ANKRD36: variants seen among roughly 807,000 people sequenced by gnomAD.
The protein encoded by ANKRD36 is ankyrin repeat domain-containing protein 36A.
A neutral mutation model predicts 278.1 loss-of-function variants in ANKRD36; 179 were observed. The ratio of observed to expected loss-of-function variants is 0.64; its 90% CI spans 0.57 to 0.73. The LOEUF is 0.73. ANKRD36 is among the 30% of genes least tolerant of loss of function. The pLI, the probability that ANKRD36 is intolerant of heterozygous loss-of-function variation, is 0.00. For synonymous variants in ANKRD36, 320 were observed against 641.1 expected (o/e 0.50, Z 7.57); for missense variants, 1,159 against 1,956.7 (o/e 0.59, Z 7.69).
intron 58 of ANKRD36, chr2:97,212,614 A>T (rs1391795382): frequency 2.0e-5 from 3 of 153,574 alleles, no homozygotes; most frequent in African/African-American, 7.2e-5. Context: ...ATTAACTCCT[A>T]AAGTGGTCCT....
Position 97,180,397 on chromosome 2 carries a change from G to A in ANKRD36, c.1735+464G>A, listed in dbSNP as rs891625494. ...GCAATTATTTTCCTCAAGGAAGAGGGATTGTGAGGCAGGAAGGAGGAAAAA... is the reference window on the plus strand; with the variant it reads ...GCAATTATTTTCCTCAAGGAAGAGGAATTGTGAGGCAGGAAGGAGGAAAAA... On this transcript the variant is annotated intron_variant, in intron 24 of 75. Transcript: ENST00000420699. Among the ~76,000 whole-genome samples, 8 of 151,592 alleles carry A rather than the reference G, an allele frequency of 5.3e-5. No homozygotes were observed. In the South Asian group the frequency reaches 8.4e-4, roughly 16 times the overall value.
intron 3 of ANKRD36, among the ~76,000 whole-genome samples, chr2:97,120,918 C>G (rs2036625733): frequency 6.6e-6 from 1 of 151,962 alleles, no homozygotes; most frequent in African/African-American, 2.4e-5. Flanking sequence ...TCTGGTGTCC[C>G]TTGAGCCTAT....
chr2:97,156,176 A>G (rs2047378223), intron 15 of ANKRD36, among the ~76,000 whole-genome samples: 1 of 146,558 alleles, frequency 6.8e-6, no homozygotes, highest in South Asian at 2.1e-4. Context: ...TAAAGCCCCA[A>G]CCATGTTCTA....
chr2:97,201,696 CG>C (rs2061419369), intron 46 of ANKRD36, among the ~76,000 whole-genome samples: 1 of 151,926 alleles, frequency 6.6e-6, no homozygotes, highest in African/African-American at 2.4e-5. Context: ...GACACTTCCA[CG>C]GAAGAGATGT....
chr2:97,184,748 T>C (rs924781549), intron 28 of ANKRD36, among the ~76,000 whole-genome samples: 2 of 151,750 alleles, frequency 1.3e-5, no homozygotes, highest in African/African-American at 4.8e-5. Flanking sequence ...ATGTGTATGA[T>C]AAATAATGAA....
intron 26 of ANKRD36, 42 bp downstream of exon 26, chr2:97,181,835 T>C (rs762229206): frequency 4.8e-5 from 69 of 1,438,496 alleles, no homozygotes; most frequent in Non-Finnish European, 6.4e-5. Context: ...TCAGTCAAGA[T>C]AGAAAAGTAC....
chr2:97,178,860 A>G (rs1046848621), intron 22 of ANKRD36, among the ~76,000 whole-genome samples: 2 of 151,662 alleles, frequency 1.3e-5, no homozygotes, highest in Non-Finnish European at 3.0e-5. Context: ...AATTCTCTAG[A>G]GAATAACATG....
intron 42 of ANKRD36, among the ~76,000 whole-genome samples, chr2:97,197,541 G>T (rs1192364282): frequency 2.0e-5 from 3 of 151,850 alleles, no homozygotes; most frequent in African/African-American, 7.2e-5. Context: ...CCTTGTTCAA[G>T]GAGCTACCTC....
intron 66 of ANKRD36, among the ~76,000 whole-genome samples, chr2:97,221,716 C>T (rs1261911711): frequency 6.6e-6 from 1 of 150,656 alleles, no homozygotes; most frequent in African/African-American, 2.5e-5. Flanking sequence ...AATTTTCTCC[C>T]ATGTTGTAGG....
intron 28 of ANKRD36, among the ~76,000 whole-genome samples, chr2:97,184,216 A>G (rs1283455696): frequency 6.6e-6 from 1 of 151,702 alleles, no homozygotes; most frequent in Non-Finnish European, 1.5e-5. Context: ...TGCATTTAGA[A>G]TGTTTGCATA....
At position 97,197,179 on chromosome 2, in the gene ANKRD36, C is replaced by A. The variant is rs551151985; in HGVS notation, c.2653+391C>A. Among the ~76,000 whole-genome samples the A allele has an allele frequency of 9.5e-4, 144 of 151,988 alleles. 1 individual carries two copies. The highest frequency in any genetic ancestry group is 3.4e-3 in the African/African-American group (141 of 41,514). On this transcript the variant is annotated intron_variant, in intron 42 of 75. Coordinates refer to ENST00000420699, the MANE Select transcript of ANKRD36 (RefSeq NM_001354587.1). Reference sequence around the variant, plus strand: ...ACAGACAGAAAACTTGTTGTAATAACCCGTACACACTGTAGGAGAACTAAG... The same window carrying A: ...ACAGACAGAAAACTTGTTGTAATAAACCGTACACACTGTAGGAGAACTAAG...
In ANKRD36 at chr2:97,244,010, G is replaced by A. The variant is rs2075038782; in HGVS notation, c.4472G>A (p.Gly1491Glu). 1 of 1,590,946 alleles carries A rather than the reference G, an allele frequency of 6.3e-7. No homozygotes were observed. The highest frequency in any genetic ancestry group is 8.5e-7 in the Non-Finnish European group (1 of 1,170,574). The change falls in exon 70 of 76, where the codon GGA (glycine) becomes GAA (glutamate). Residue 1491 changes from glycine (G) to glutamate (E), a missense_variant. Gly to Glu is a moderately conservative substitution (Grantham distance 98, BLOSUM62 -2). Transcript: ENST00000420699. Reference protein sequence around the residue: ...LKSAEVELKTGGNNSNQVSET... With the variant: ...LKSAEVELKTEGNNSNQVSET... ...TCAGCAGAGGTGGAATTGAAGACAG[G>A]AGGAAATAATTCAAATCAGGTAAAT...
In ANKRD36 at chr2:97,211,545, G is replaced by T; in HGVS notation, c.3368-1G>T. 1.2e-6 allele frequency: 2 copies of T among 1,606,404 alleles called. No individual in the cohort carries two copies. The highest frequency in any genetic ancestry group is 1.1e-5 in the South Asian group (1 of 90,720). On this transcript the variant is annotated splice_acceptor_variant, in intron 56 of 75. Coordinates refer to ENST00000420699, the MANE Select transcript of ANKRD36 (RefSeq NM_001354587.1). LOFTEE classifies it high-confidence loss of function. ...GATTATGTATCCCTTTTGCTTTTCA[G>T]TGTCTTCTCCGAAACAACCAGCATT...
intron 66 of ANKRD36, among the ~76,000 whole-genome samples, chr2:97,223,031 A>G (rs2068202942): frequency 1.3e-5 from 2 of 152,020 alleles, no homozygotes; most frequent in Non-Finnish European, 2.9e-5. Flanking sequence ...AATGTTATTA[A>G]TAAGTCTGTG....
At position 97,201,460 on chromosome 2, in the gene ANKRD36, G is replaced by A. The variant is rs184442888; in HGVS notation, c.2858-742G>A. 3.9e-5 allele frequency among the ~76,000 whole-genome samples: 6 copies of A among 152,078 alleles called. No individual in the cohort carries two copies. The East Asian group carries it at 1.2e-3, about 30-fold the overall frequency. ...TACAACTTATTAATATCTAATGGTT[G>A]TGGCAGTTTTACTTTGTGGAAATAT... On this transcript the variant is annotated intron_variant, in intron 46 of 75. Coordinates refer to ENST00000420699, the MANE Select transcript of ANKRD36 (RefSeq NM_001354587.1).
chr2:97,123,856 T>C (rs944741735), intron 4 of ANKRD36, among the ~76,000 whole-genome samples: 1 of 146,796 alleles, frequency 6.8e-6, no homozygotes, highest in African/African-American at 2.5e-5. Context: ...TAATATACAA[T>C]GTATATTATA....
chr2:97,227,243 T>A (rs1166321375), intron 67 of ANKRD36, among the ~76,000 whole-genome samples: 10 of 152,140 alleles, frequency 6.6e-5, no homozygotes, highest in Non-Finnish European at 1.5e-4. Context: ...CCATACTGAT[T>A]CTTCCTACCC....
At chr2:97,262,979 C>A (rs1184829297) in intron 75 of ANKRD36, among the ~76,000 whole-genome samples, 1 of 144,178 alleles carries the variant, frequency 6.9e-6, no homozygotes. Context: ...TATAGCAACA[C>A]AAAAATTTGT....
intron 26 of ANKRD36, 25 bp from the exon 27 acceptor site, chr2:97,183,434 A>C (rs1296602688): frequency 6.5e-7 from 1 of 1,545,710 alleles, no homozygotes; most frequent in Non-Finnish European, 8.8e-7. Context: ...CATATGATGG[A>C]TTATATATTT....
Sources: allele counts gnomAD v4.1 joint callset (sites outside exome capture counted in the v4.1 genomes callset), GRCh38; gene constraint gnomAD v4.1.1; transcripts MANE v1.5; gene names NCBI Gene and HGNC (gene_info 2026-07-23, HGNC 2026-07-21).